Variants in PACS2 observed in about 807,000 individuals in gnomAD.
PACS2 encodes the protein phosphofurin acidic cluster sorting protein 2, also known as PACS1-like protein.
Under a neutral mutation model 113.0 loss-of-function variants are expected in PACS2, and 36 were observed. The ratio of observed to expected loss-of-function variants is 0.32; its 90% CI spans 0.24 to 0.42. The LOEUF is 0.42. Ranked by LOEUF, PACS2 falls within the 10% of genes least tolerant of loss-of-function variation. The probability of loss-of-function intolerance (pLI) is 1.00; values close to 1 mark genes in which losing one functional copy is unlikely to be tolerated. For missense variants in PACS2, 1,015 were observed against 1,239.5 expected (o/e 0.82, Z 2.72); for synonymous variants, 589 against 536.1 (o/e 1.10, Z -1.36).
At chr14:105,311,611 T>A (rs963468482), upstream of PACS2, among the ~76,000 whole-genome samples, 2 of 152,076 alleles carry the variant, frequency 1.3e-5, no homozygotes, top group Non-Finnish European at 2.9e-5. Context: ...TTCTATCAGG[T>A]TCTATCATGG....
chr14:105,353,193 CAATCACT>C (rs2060290385), intron 3 of PACS2, among the ~76,000 whole-genome samples: 3 of 125,234 alleles, frequency 2.4e-5, no homozygotes, highest in Admixed American at 7.8e-5. Context: ...CGGGCCCCCC[CAATCACT>C]GTCCCCTGGG....
chr14:105,341,532 C>T (rs978520431), intron 1 of PACS2, among the ~76,000 whole-genome samples: 5 of 152,218 alleles, frequency 3.3e-5, no homozygotes, highest in Admixed American at 2.6e-4. Context: ...GAATCGTCTT[C>T]TGTAGGTTTT....
In PACS2 at chr14:105,382,480, C is replaced by T; in HGVS notation, c.1417C>T (p.Pro473Ser). Residue 473 changes from proline (P) to serine (S), a missense_variant, in exon 14 of 25, where the codon CCC (proline) becomes TCC (serine). Physicochemically the swap from Pro to Ser is moderately conservative, Grantham distance 74. Around this residue, in one of 3 missense-constraint regions of PACS2, gnomAD observed 859 missense variants for 1,056.8 expected, o/e 0.81. Transcript: ENST00000447393. ...RSQLQVQLQI[P>S]RKTVYDQLNH... ...GGACAGGGCTCTGTGCCTCCAGATC[C>T]CCAGGAAGACTGTGTATGACCAGCT... 1 of 1,595,190 alleles carries T rather than the reference C, an allele frequency of 6.3e-7. No individual in the cohort carries two copies. The highest frequency in any genetic ancestry group is 8.6e-7 in the Non-Finnish European group (1 of 1,162,896).
chr14:105,315,003 GA>G lies in PACS2; in HGVS notation c.86del (p.Glu29GlyfsTer16). 8.0e-7 allele frequency: 1 copy of G among 1,255,144 alleles called. No individual in the cohort carries two copies. 77.8% of individuals were successfully genotyped at this position (1,255,144 alleles called of 1,614,324 possible). ...PVPMNLFATW[E>X]VDGSSPSCVP... ...GCCCATGAACCTGTTCGCCACCTGG[GA>G]GGTGGACGGCTCCAGCCCCAGCTGC... On this transcript the variant is annotated frameshift_variant, in exon 1 of 25. Coordinates refer to ENST00000447393, the MANE Select transcript of PACS2 (RefSeq NM_001100913.3). LOFTEE classifies it high-confidence loss of function. The surrounding 1 kb of genome is among the most constrained non-coding windows in gnomAD (Gnocchi z 4.4).
rs747727344 is a variant in PACS2 at position 105,356,125 on chromosome 14, G to T, written c.423+948G>T. On this transcript the variant is annotated intron_variant, in intron 4 of 24. Transcript: ENST00000447393. The surrounding 1 kb of genome is among the most constrained non-coding windows in gnomAD (Gnocchi z 4.0). ...TGTCCCCCTGCTCCTGGGGCTTGGG[G>T]CTGGGACAGTGGGGGTGCCCACTTG... Among the ~76,000 whole-genome samples, 1 of 152,124 alleles carries T rather than the reference G, an allele frequency of 6.6e-6. No individual in the cohort carries two copies. Among genetic ancestry groups the T allele is most frequent in the Non-Finnish European group, 1.5e-5 (1 of 68,004 alleles).
chr14:105,391,930 T>A (rs1218658525), intron 22 of PACS2, 164 bp downstream of exon 22: 9 of 640,810 alleles, frequency 1.4e-5, no homozygotes, highest in African/African-American at 1.1e-4. Flanking sequence ...TCTGGCCACC[T>A]CCTGCCACAG....
intron 2 of PACS2, among the ~76,000 whole-genome samples, chr14:105,349,944 C>CGGG (rs1555403564): frequency 2.0e-5 from 3 of 151,460 alleles, no homozygotes; most frequent in African/African-American, 7.3e-5. Flanking sequence ...CGAGAACTTC[C>CGGG]AGGAGAGCGT....
chr14:105,326,291 CGCA>C (rs1379411139), intron 1 of PACS2, among the ~76,000 whole-genome samples: 1 of 152,180 alleles, frequency 6.6e-6, no homozygotes, highest in African/African-American at 2.4e-5. Context: ...GCGGGGGCTC[CGCA>C]GCAGCAGTGG....
At chr14:105,368,593 G>T in intron 7 of PACS2, 54 bp downstream of exon 7, 1 of 1,402,914 alleles carries the variant, frequency 7.1e-7, no homozygotes, top group Non-Finnish European at 1.0e-6. Flanking sequence ...CGGGGAGGAC[G>T]CTGGGAGCCT....
Position 105,369,744 on chromosome 14 carries a change from C to T in PACS2, c.742-97C>T, listed in dbSNP as rs1162101556. The T allele has an allele frequency of 2.0e-5, 21 of 1,047,000 alleles. 1 individual carries two copies. The highest frequency in any genetic ancestry group is 7.1e-5 in the South Asian group (5 of 70,454). The allele number at this position is 1,047,000 out of a possible 1,614,324, so 64.9% of individuals were successfully genotyped here. A position where few individuals can be genotyped will look rare whatever the true frequency, so the allele number is the denominator to read the frequency against. On this transcript the variant is annotated intron_variant, in intron 7 of 24. Transcript: ENST00000447393. ...GTGCTGAGGCCTTGCTGCTCTCCCACGGCGGGCCTGGGTGCGGCCTGGGCC... is the reference window on the plus strand; with the variant it reads ...GTGCTGAGGCCTTGCTGCTCTCCCATGGCGGGCCTGGGTGCGGCCTGGGCC...
At chr14:105,379,900 C>G (rs111946173) in intron 10 of PACS2, 71 bp downstream of exon 10, 5 of 1,481,428 alleles carry the variant, frequency 3.4e-6, no homozygotes, top group Admixed American at 1.7e-5. Context: ...CCCAAATCTC[C>G]CAGCATGTCC....
At position 105,349,865 on chromosome 14, in the gene PACS2, C is replaced by T. The variant is rs138398756; in HGVS notation, c.207+1285C>T. ...CGTGGCTAATGCAGGACCCGGAGAA[C>T]TTCCAGGAGAGCGTGGCTAATAGCA... On this transcript the variant is annotated intron_variant, in intron 2 of 24. Transcript: ENST00000447393. Among the ~76,000 whole-genome samples, 386 of 145,462 alleles carry T rather than the reference C, an allele frequency of 2.7e-3. 1 individual carries two copies. The highest frequency in any genetic ancestry group is 0.01 in the African/African-American group (376 of 36,724).
At chr14:105,349,263 G>C (rs587687890) in intron 2 of PACS2, among the ~76,000 whole-genome samples, 1 of 152,340 alleles carries the variant, frequency 6.6e-6, no homozygotes, top group African/African-American at 2.4e-5. Context: ...GGCCTGTATA[G>C]GGCCACCGCC....
rs1332468387 is a variant in PACS2 at position 105,365,320 on chromosome 14, G to A, written c.424-1893G>A. ...ACGCCCCAAGGAGCACTGTCAGGAGGAGAGGAACATGCAGCCTGGAGTGTC... is the reference window on the plus strand; with the variant it reads ...ACGCCCCAAGGAGCACTGTCAGGAGAAGAGGAACATGCAGCCTGGAGTGTC... On this transcript the variant is annotated intron_variant, in intron 4 of 24. Transcript: ENST00000447393. The surrounding 1 kb of genome is among the most constrained non-coding windows in gnomAD (Gnocchi z 5.1). Among the ~76,000 whole-genome samples the A allele has an allele frequency of 6.6e-6, 1 of 152,218 alleles. No individual in the cohort carries two copies. The highest frequency in any genetic ancestry group is 1.5e-5 in the Non-Finnish European group (1 of 68,030).
At chr14:105,339,392 A>G (rs2059640079) in intron 1 of PACS2, among the ~76,000 whole-genome samples, 1 of 152,026 alleles carries the variant, frequency 6.6e-6, no homozygotes. Context: ...CTGTAGTCTT[A>G]GCTACTTGGG....
rs1393599725 is a variant in PACS2, at chr14:105,314,943, C to T, written c.25C>T (p.Leu9Phe). Residue 9 changes from leucine (L) to phenylalanine (F), a missense_variant, in exon 1 of 25, where the codon CTC (leucine) becomes TTC (phenylalanine). By Grantham distance (22) the Leu-to-Phe change is conservative. Coordinates refer to ENST00000447393, the MANE Select transcript of PACS2 (RefSeq NM_001100913.3). Reference sequence around the variant, plus strand: ...CATGGCCGAGCGAGGCCGCCTCGGCCTCCCCGGCGCGCCCGGCGCGCTCAA... The same window carrying T: ...CATGGCCGAGCGAGGCCGCCTCGGCTTCCCCGGCGCGCCCGGCGCGCTCAA... The part of the protein sequence containing the change: MAERGRLG[L>F]PGAPGALNTP... 1 of 1,160,626 alleles carries T rather than the reference C, an allele frequency of 8.6e-7. No homozygotes were observed. The highest frequency in any genetic ancestry group is 1.1e-6 in the Non-Finnish European group (1 of 925,192). The allele number at this position is 1,160,626 out of a possible 1,614,324, so 71.9% of individuals were successfully genotyped here.
chr14:105,344,869 A>G (rs1283727929), intron 1 of PACS2, among the ~76,000 whole-genome samples: 5 of 151,840 alleles, frequency 3.3e-5, no homozygotes, highest in African/African-American at 1.2e-4. Context: ...GCACTTTGGG[A>G]GGCCGAGGTG....
intron 8 of PACS2, among the ~76,000 whole-genome samples, chr14:105,373,787 CAA>C (rs587725045): frequency 7.3e-6 from 1 of 137,404 alleles, no homozygotes. Flanking sequence ...GACCCTGTCT[CAA>C]AAAAAAAAAA....
intron 4 of PACS2, among the ~76,000 whole-genome samples, chr14:105,360,223 AAT>A (rs1181227137): frequency 6.6e-6 from 1 of 152,190 alleles, no homozygotes; most frequent in Non-Finnish European, 1.5e-5. Context: ...TACGTCAAAA[AAT>A]ATATACATAC....
Sources: gnomAD v4.1 joint callset for allele counts (sites outside exome capture counted in the v4.1 genomes callset) on GRCh38, gnomAD v4.1.1 for gene constraint, gnomAD v4.1.1 regional missense constraint, Gnocchi (gnomAD v3.1) non-coding constraint, MANE v1.5 for transcripts, NCBI Gene and HGNC (gene_info 2026-07-23, HGNC 2026-07-21) for gene names.